Variants in UHRF2 observed in about 807,000 individuals in gnomAD.
UHRF2 encodes the protein E3 ubiquitin-protein ligase UHRF2.
A neutral mutation model predicts 96.8 loss-of-function variants in UHRF2; 23 were observed. The observed-to-expected ratio is 0.24, with a 90% CI of 0.17 to 0.34. UHRF2 has a LOEUF of 0.34. UHRF2 is among the 10% of genes least tolerant of loss of function. The pLI, the probability that UHRF2 is intolerant of heterozygous loss-of-function variation, is 1.00. For synonymous variants in UHRF2, 385 were observed against 332.6 expected (o/e 1.16, Z -1.72); for missense variants, 685 against 981.5 (o/e 0.70, Z 4.04).
rs1171978950 is a variant in UHRF2, at chr9:6,487,182, C to CTTTTTTTTTTTTTTTTTT, written c.1497+265_1497+282dup. ...TCTATAGAGCTTTTATTTTTTTTTC[C>CTTTTTTTTTTTTTTTTTT]TTTTTTTTTTTTTTTTTTTTTTTTT... is the stretch of plus-strand genomic sequence containing the variant. On this transcript the variant is annotated intron_variant, in intron 9 of 15. Transcript: ENST00000276893. 4.0e-4 allele frequency among the ~76,000 whole-genome samples: 28 copies of CTTTTTTTTTTTTTTTTTT among 69,590 alleles called. 1 individual carries two copies. Among genetic ancestry groups the CTTTTTTTTTTTTTTTTTT allele is most frequent in the African/African-American group, 9.0e-4 (14 of 15,548 alleles). 45.7% of individuals were successfully genotyped at this position (69,590 alleles called of 152,430 possible).
intron 4 of UHRF2, among the ~76,000 whole-genome samples, chr9:6,470,169 T>G (rs1167059445): frequency 6.6e-6 from 1 of 152,130 alleles, no homozygotes; most frequent in African/African-American, 2.4e-5. Flanking sequence ...GGTCAGGAAT[T>G]CAAGACCAGC....
chr9:6,431,081 G>C (rs541559736), intron 2 of UHRF2, among the ~76,000 whole-genome samples: 1 of 152,176 alleles, frequency 6.6e-6, no homozygotes, highest in African/African-American at 2.4e-5. Flanking sequence ...TAATCATACA[G>C]GCCTAAGTAT....
chr9:6,432,533 C>T (rs1291021902), intron 2 of UHRF2, among the ~76,000 whole-genome samples: 1 of 152,102 alleles, frequency 6.6e-6, no homozygotes, highest in Non-Finnish European at 1.5e-5. Flanking sequence ...TTAGCTTTAA[C>T]CTAGAGGAAG....
intron 4 of UHRF2, among the ~76,000 whole-genome samples, chr9:6,472,216 A>G (rs1289370748): frequency 2.0e-5 from 3 of 152,092 alleles, no homozygotes; most frequent in Admixed American, 2.0e-4. Context: ...CAGAATTTTG[A>G]CTCTTTCTCC....
intron 10 of UHRF2, chr9:6,496,742 G>C (rs550381456): frequency 3.1e-4 from 47 of 152,990 alleles, no homozygotes; most frequent in South Asian, 8.2e-4. Flanking sequence ...GACCTGGGAA[G>C]GTCATTTGTA....
chr9:6,498,184 C>T (rs766818792), intron 12 of UHRF2, 26 bp downstream of exon 12: 11 of 1,606,364 alleles, frequency 6.8e-6, no homozygotes, highest in Non-Finnish European at 9.3e-6. Flanking sequence ...TCTAGGCTGC[C>T]TGTGTGTTCA....
chr9:6,448,063 A>C (rs1032989486), intron 3 of UHRF2, among the ~76,000 whole-genome samples: 2 of 152,232 alleles, frequency 1.3e-5, no homozygotes, highest in African/African-American at 2.4e-5. Flanking sequence ...AGATGCTAGC[A>C]TGAAAGCTGT....
intron 3 of UHRF2, among the ~76,000 whole-genome samples, chr9:6,456,288 G>A (rs572631906): frequency 8.4e-4 from 128 of 152,264 alleles, no homozygotes; most frequent in Non-Finnish European, 1.5e-3. Context: ...AATGACCAGT[G>A]ATGATGAGCT....
intron 1 of UHRF2, among the ~76,000 whole-genome samples, chr9:6,416,580 T>C (rs979589009): frequency 8.6e-5 from 12 of 140,110 alleles, no homozygotes; most frequent in Non-Finnish European, 6.1e-5. Context: ...TCTCGTTCTG[T>C]CGCCCAGGCG....
chr9:6,440,929 A>T (rs1821125173), intron 3 of UHRF2, among the ~76,000 whole-genome samples: 3 of 152,156 alleles, frequency 2.0e-5, no homozygotes, highest in Non-Finnish European at 4.4e-5. Context: ...TAATGATTCT[A>T]ATCATTCCCT....
intron 13 of UHRF2, 53 bp downstream of exon 13, chr9:6,499,984 G>A: frequency 7.1e-7 from 1 of 1,398,900 alleles, no homozygotes. Flanking sequence ...TGTTGTTGTT[G>A]TTGTTGAGAC....
intron 3 of UHRF2, among the ~76,000 whole-genome samples, chr9:6,452,801 AT>A (rs899151872): frequency 1.6e-4 from 25 of 152,246 alleles, no homozygotes; most frequent in African/African-American, 6.0e-4. Flanking sequence ...CTTCTGGGAC[AT>A]TTCAGTTTGG....
At chr9:6,470,303 G>A (rs1378059029) in intron 4 of UHRF2, among the ~76,000 whole-genome samples, 2 of 151,544 alleles carry the variant, frequency 1.3e-5, no homozygotes, top group Non-Finnish European at 2.9e-5. Flanking sequence ...ATCCTGGGAG[G>A]TGGAGGTTGC....
In UHRF2 at chr9:6,486,934, T is replaced by C; in HGVS notation, c.1497+9T>C. On this transcript the variant is annotated intron_variant, in intron 9 of 15. Coordinates refer to ENST00000276893, the MANE Select transcript of UHRF2 (RefSeq NM_152896.3). ...GATTTGCGGATGAAGTCGTAAGTCA[T>C]TATACAACCTTACTCATTAGTACCT... 3 of 1,613,080 alleles carry C rather than the reference T, an allele frequency of 1.9e-6. No individual in the cohort carries two copies. Among genetic ancestry groups the C allele is most frequent in the East Asian group, 2.2e-5 (1 of 44,852 alleles).
chr9:6,463,586 G>A (rs957074892), intron 4 of UHRF2, among the ~76,000 whole-genome samples: 3 of 151,510 alleles, frequency 2.0e-5, no homozygotes, highest in Non-Finnish European at 4.4e-5. Context: ...TTCTCCTGCC[G>A]CAGCCACCGG....
intron 1 of UHRF2, among the ~76,000 whole-genome samples, chr9:6,416,065 G>A (rs190383087): frequency 2.0e-4 from 30 of 152,002 alleles, no homozygotes; most frequent in African/African-American, 7.0e-4. Context: ...CACTTTTTTT[G>A]TTGTTGTTTT....
At chr9:6,432,994 C>G (rs961233654) in intron 2 of UHRF2, among the ~76,000 whole-genome samples, 1 of 152,122 alleles carries the variant, frequency 6.6e-6, no homozygotes, top group Non-Finnish European at 1.5e-5. Flanking sequence ...GCATGCTCCA[C>G]CACGCCTGGC....
chr9:6,495,897 A>G (rs1347698293), intron 10 of UHRF2: 2 of 152,160 alleles, frequency 1.3e-5, no homozygotes, highest in Non-Finnish European at 2.9e-5. Flanking sequence ...AAATAGGTGT[A>G]ATATCTCAAT....
chr9:6,447,287 A>G (rs945545313), intron 3 of UHRF2, among the ~76,000 whole-genome samples: 7 of 152,184 alleles, frequency 4.6e-5, no homozygotes, highest in African/African-American at 1.7e-4. Flanking sequence ...AGACCTTTTT[A>G]TATAAAAGCA....
Sources: gnomAD v4.1 joint callset for allele counts (sites outside exome capture counted in the v4.1 genomes callset) on GRCh38, gnomAD v4.1.1 for gene constraint, MANE v1.5 for transcripts, NCBI Gene and HGNC (gene_info 2026-07-23, HGNC 2026-07-21) for gene names.